CACNA2D2: variants seen among roughly 807,000 people sequenced by gnomAD.
The protein encoded by CACNA2D2 is voltage-dependent calcium channel subunit alpha-2/delta-2.
CACNA2D2 carries 48 observed loss-of-function variants against 166.4 expected under a neutral mutation model. The observed-to-expected ratio is 0.29, with a 90% CI of 0.23 to 0.37. The LOEUF (loss-of-function observed/expected upper bound fraction) is 0.37. Ranked by LOEUF, CACNA2D2 falls within the 10% of genes least tolerant of loss-of-function variation. CACNA2D2 has a pLI of 1.00. For missense variants in CACNA2D2, 1,122 were observed against 1,433.0 expected (o/e 0.78, Z 3.50); for synonymous variants, 561 against 573.7 (o/e 0.98, Z 0.32).
In CACNA2D2 at chr3:50,379,593, G is replaced by A. The variant is rs1201452307; in HGVS notation, c.994-3C>T. ...ACAGGCTGTGCCTTCTCGTTGAACTGCAGGAACAGTAGGGTGGTGAGTGGC... is the reference window on the plus strand; with the variant it reads ...ACAGGCTGTGCCTTCTCGTTGAACTACAGGAACAGTAGGGTGGTGAGTGGC... On this transcript the variant is annotated splice_polypyrimidine_tract_variant and splice_region_variant and intron_variant, in intron 10 of 37. Coordinates refer to ENST00000424201, the MANE Select transcript of CACNA2D2 (RefSeq NM_006030.4). This position sits in a 1 kb window ranked among gnomAD's most constrained non-coding sequence, Gnocchi z 6.5. 2 of 1,613,860 alleles carry A rather than the reference G, an allele frequency of 1.2e-6. No individual in the cohort carries two copies. Among genetic ancestry groups the A allele is most frequent in the East Asian group, 2.2e-5 (1 of 44,886 alleles).
Position 50,379,431 on chromosome 3 carries a change from C to T in CACNA2D2, c.1152+1G>A, listed in dbSNP as rs1446098420. 5 of 1,613,062 alleles carry T rather than the reference C, an allele frequency of 3.1e-6. No homozygotes were observed. The highest frequency in any genetic ancestry group is 2.2e-5 in the East Asian group (1 of 44,886). On this transcript the variant is annotated splice_donor_variant, in intron 11 of 37. Transcript: ENST00000424201. LOFTEE classifies it high-confidence loss of function. The surrounding 1 kb of genome is among the most constrained non-coding windows in gnomAD (Gnocchi z 6.5). ...CCCACTTGCCCACCCATGGGGCTCA[C>T]GTTCTGCAGCTGGTCAAAGGCATAC...
intron 1 of CACNA2D2, among the ~76,000 whole-genome samples, chr3:50,495,639 G>A (rs936275827): frequency 3.3e-5 from 5 of 152,156 alleles, no homozygotes; most frequent in African/African-American, 9.7e-5. Flanking sequence ...AGCCCAAATC[G>A]TGCCCACAGT....
At chr3:50,445,167 G>A (rs879554364) in intron 2 of CACNA2D2, among the ~76,000 whole-genome samples, 5 of 152,288 alleles carry the variant, frequency 3.3e-5, no homozygotes, top group South Asian at 2.1e-4. Flanking sequence ...TGGCTTGGAC[G>A]GTTGGGGCTA....
intron 3 of CACNA2D2, among the ~76,000 whole-genome samples, chr3:50,412,523 C>T (rs1313066174): frequency 1.3e-5 from 2 of 150,406 alleles, no homozygotes; most frequent in African/African-American, 2.5e-5. Context: ...AGGTCTCGTG[C>T]ATCCCAAAGC....
At chr3:50,454,418 C>T (rs1364238211) in intron 2 of CACNA2D2, among the ~76,000 whole-genome samples, 3 of 152,312 alleles carry the variant, frequency 2.0e-5, no homozygotes, top group South Asian at 2.1e-4. Flanking sequence ...CCACAACAGC[C>T]CCCCAGCCAC....
At chr3:50,463,066 CA>C (rs1332065223) in intron 2 of CACNA2D2, among the ~76,000 whole-genome samples, 1 of 152,068 alleles carries the variant, frequency 6.6e-6, no homozygotes, top group Non-Finnish European at 1.5e-5. Context: ...ACTCTTATTG[CA>C]ATGAAGACAG....
At chr3:50,426,055 TC>T (rs1707795925) in intron 3 of CACNA2D2, among the ~76,000 whole-genome samples, 1 of 152,046 alleles carries the variant, frequency 6.6e-6, no homozygotes, top group Admixed American at 6.6e-5. Context: ...CCCCTGGCCT[TC>T]CCCTTTGCCC....
chr3:50,447,028 G>A (rs1304248500), intron 2 of CACNA2D2, among the ~76,000 whole-genome samples: 1 of 152,218 alleles, frequency 6.6e-6, no homozygotes, highest in East Asian at 1.9e-4. Context: ...AGGAAGGTCA[G>A]AGAAGACATT....
At chr3:50,498,071 G>A (rs1698796323) in intron 1 of CACNA2D2, among the ~76,000 whole-genome samples, 1 of 152,168 alleles carries the variant, frequency 6.6e-6, no homozygotes, top group Non-Finnish European at 1.5e-5. Flanking sequence ...AAGACACAAG[G>A]CACCAGGTCT....
chr3:50,470,904 C>G (rs961725497), intron 2 of CACNA2D2, among the ~76,000 whole-genome samples: 1 of 152,154 alleles, frequency 6.6e-6, no homozygotes, highest in African/African-American at 2.4e-5. Context: ...GGGAGCCCCC[C>G]CTTTAGCCCC....
intron 2 of CACNA2D2, among the ~76,000 whole-genome samples, chr3:50,448,945 G>A (rs980383953): frequency 1.3e-5 from 2 of 152,174 alleles, no homozygotes; most frequent in South Asian, 2.1e-4. Flanking sequence ...GAGCCGCAGC[G>A]AAGCCCTCAG....
chr3:50,444,502 T>TG (rs1708753618), intron 2 of CACNA2D2, among the ~76,000 whole-genome samples: 1 of 152,186 alleles, frequency 6.6e-6, no homozygotes, highest in African/African-American at 2.4e-5. Context: ...AGTTCAAGTG[T>TG]GGGGTGCTGG....
intron 2 of CACNA2D2, among the ~76,000 whole-genome samples, chr3:50,474,250 A>G (rs562779768): frequency 6.6e-6 from 1 of 152,334 alleles, no homozygotes; most frequent in South Asian, 2.1e-4. Context: ...CCCATGAGAA[A>G]GGAAGGGAAA....
chr3:50,411,430 C>T (rs968126707), intron 3 of CACNA2D2, among the ~76,000 whole-genome samples: 2 of 152,178 alleles, frequency 1.3e-5, no homozygotes, highest in African/African-American at 4.8e-5. Context: ...GGGGCTTCCG[C>T]TTGTCTCCAT....
chr3:50,406,285 A>G (rs1049052173), intron 3 of CACNA2D2, among the ~76,000 whole-genome samples: 9 of 151,778 alleles, frequency 5.9e-5, no homozygotes, highest in Non-Finnish European at 1.2e-4. Context: ...GTCAATTTGC[A>G]TCTCATTACC....
intron 3 of CACNA2D2, 98 bp from the exon 4 acceptor site, chr3:50,394,266 G>A: frequency 1.0e-6 from 1 of 966,988 alleles, no homozygotes; most frequent in South Asian, 1.3e-5. Flanking sequence ...CTGGGGCCAG[G>A]CTGGACTGGT....
At chr3:50,381,484 C>A (rs1430648855) in intron 6 of CACNA2D2, among the ~76,000 whole-genome samples, 1 of 152,108 alleles carries the variant, frequency 6.6e-6, no homozygotes, top group African/African-American at 2.4e-5. Flanking sequence ...TAGCACTGGT[C>A]CCCCAGGAGC....
intron 2 of CACNA2D2, among the ~76,000 whole-genome samples, chr3:50,457,821 A>G (rs1438708114): frequency 1.3e-5 from 2 of 151,826 alleles, no homozygotes; most frequent in East Asian, 3.9e-4. Flanking sequence ...CCACCCTCCT[A>G]CTCCCTCAGC....
At position 50,457,468 on chromosome 3, in the gene CACNA2D2, C is replaced by T. The variant is rs368421527; in HGVS notation, c.288+18650G>A. 1.6e-3 allele frequency among the ~76,000 whole-genome samples: 251 copies of T among 152,292 alleles called. 9 individuals carry two copies. In the South Asian group the frequency reaches 0.051, roughly 31 times the overall value. On this transcript the variant is annotated intron_variant, in intron 2 of 37. Coordinates refer to ENST00000424201, the MANE Select transcript of CACNA2D2 (RefSeq NM_006030.4). Reference sequence around the variant, plus strand: ...TTTTTCAAAAACTGTCTAGAAGGTGCTACACCCTGCTCACCCTCTCTCAGG... The same window carrying T: ...TTTTTCAAAAACTGTCTAGAAGGTGTTACACCCTGCTCACCCTCTCTCAGG...
Sources: allele counts gnomAD v4.1 joint callset (sites outside exome capture counted in the v4.1 genomes callset), GRCh38; gene constraint gnomAD v4.1.1; non-coding constraint Gnocchi (gnomAD v3.1); transcripts MANE v1.5; gene names NCBI Gene and HGNC (gene_info 2026-07-23, HGNC 2026-07-21).